CSMD1: variants seen among roughly 807,000 people sequenced by gnomAD.
The protein encoded by CSMD1 is CUB and sushi domain-containing protein 1.
Under a neutral mutation model 417.5 loss-of-function variants are expected in CSMD1, and 213 were observed. That is an observed-to-expected ratio of 0.51 (90% CI 0.46 to 0.57). The LOEUF (loss-of-function observed/expected upper bound fraction) is 0.57. CSMD1 is among the 20% of genes least tolerant of loss of function. The probability of loss-of-function intolerance (pLI) is 0.00; values close to 1 mark genes in which losing one functional copy is unlikely to be tolerated. For missense variants in CSMD1, 6,923 were observed against 4,529.7 expected (o/e 1.53, Z -15.17); for synonymous variants, 2,862 against 1,736.8 (o/e 1.65, Z -16.11).
chr8:4,308,423 A>T (rs1370002404), intron 3 of CSMD1, among the ~76,000 whole-genome samples: 1 of 115,682 alleles, frequency 8.6e-6, no homozygotes, highest in Non-Finnish European at 1.7e-5. Flanking sequence ...GTTATGTGGA[A>T]AGTCTGATGA....
intron 7 of CSMD1, among the ~76,000 whole-genome samples, chr8:3,688,210 T>A (rs1234497783): frequency 6.6e-6 from 1 of 152,236 alleles, no homozygotes; most frequent in African/African-American, 2.4e-5. Context: ...ACTTGTTGCA[T>A]GCGTAAGTGG....
At position 3,964,792 on chromosome 8, in the gene CSMD1, G is replaced by T. The variant is rs528606691; in HGVS notation, c.818+33111C>A. On this transcript the variant is annotated intron_variant, in intron 5 of 69. Coordinates refer to ENST00000635120, the MANE Select transcript of CSMD1 (RefSeq NM_033225.6). ...GGACTAATGTATCCAACAATTATTT[G>T]CTGACAATCTGTTAAGCTCACAAAT... Among the ~76,000 whole-genome samples, 8 of 152,256 alleles carry T rather than the reference G, an allele frequency of 5.3e-5. No homozygotes were observed. The East Asian group carries it at 1.5e-3, about 29-fold the overall frequency.
intron 3 of CSMD1, among the ~76,000 whole-genome samples, chr8:4,122,077 A>G (rs920679268): frequency 6.6e-6 from 1 of 152,086 alleles, no homozygotes; most frequent in African/African-American, 2.4e-5. Context: ...TATAAAATAT[A>G]TATCAATATC....
chr8:4,134,238 G>C (rs185669597), intron 3 of CSMD1, among the ~76,000 whole-genome samples: 1 of 152,150 alleles, frequency 6.6e-6, no homozygotes, highest in South Asian at 2.1e-4. Context: ...CCCAGAGTTC[G>C]TATGCTGATA....
At chr8:3,663,464 A>C (rs1798523411) in intron 7 of CSMD1, among the ~76,000 whole-genome samples, 1 of 152,176 alleles carries the variant, frequency 6.6e-6, no homozygotes, top group Non-Finnish European at 1.5e-5. Flanking sequence ...TTTGATAGCC[A>C]TAGGGACTGT....
At position 4,746,969 on chromosome 8, in the gene CSMD1, A is replaced by G. The variant is rs184373543; in HGVS notation, c.86-109411T>C. 2.4e-3 allele frequency among the ~76,000 whole-genome samples: 369 copies of G among 152,274 alleles called. 5 individuals carry two copies. The highest frequency in any genetic ancestry group is 8.5e-3 in the African/African-American group (355 of 41,568). Reference sequence around the variant, plus strand: ...TGCCATCCCAAATTAGAGAGAGGGAAGAACAGGAATAATTTCTCAAGCAGG... The same window carrying G: ...TGCCATCCCAAATTAGAGAGAGGGAGGAACAGGAATAATTTCTCAAGCAGG... On this transcript the variant is annotated intron_variant, in intron 1 of 69. Transcript: ENST00000635120.
rs542330902 is a variant in CSMD1, at chr8:2,938,672, G to A, written c.10608C>T (p.Asn3536=). 88 of 1,611,816 alleles carry A rather than the reference G, an allele frequency of 5.5e-5. No homozygotes were observed. The highest frequency in any genetic ancestry group is 1.4e-4 in the South Asian group (13 of 90,456). ...ENSNGQASFE[N]PMYDTNLKPT... Reference sequence around the variant, plus strand: ...GTTTTAAGTTTGTATCATACATGGGGTTTTCAAACGATGCTTGTCCATTGC... The same window carrying A: ...GTTTTAAGTTTGTATCATACATGGGATTTTCAAACGATGCTTGTCCATTGC... The change falls in exon 70 of 70, where the codon AAC becomes AAT. Residue 3536 remains asparagine (N), a synonymous_variant. Transcript: ENST00000635120.
intron 21 of CSMD1, among the ~76,000 whole-genome samples, chr8:3,353,569 C>T (rs1331601804): frequency 1.3e-5 from 2 of 152,108 alleles, no homozygotes; most frequent in Non-Finnish European, 1.5e-5. Context: ...TCCCGTAGGA[C>T]GTAATTTAAT....
chr8:4,125,472 C>G (rs1166643515), intron 3 of CSMD1, among the ~76,000 whole-genome samples: 2 of 152,174 alleles, frequency 1.3e-5, no homozygotes, highest in Admixed American at 6.5e-5. Context: ...TGAATAAAAC[C>G]AAGCTGCGCC....
At chr8:4,771,376 G>A (rs902590411) in intron 1 of CSMD1, among the ~76,000 whole-genome samples, 1 of 152,196 alleles carries the variant, frequency 6.6e-6, no homozygotes, top group Non-Finnish European at 1.5e-5. Context: ...CCTCTTCAGG[G>A]AAATTGCATT....
intron 3 of CSMD1, among the ~76,000 whole-genome samples, chr8:4,399,417 T>A (rs184854032): frequency 1.3e-4 from 20 of 152,330 alleles, no homozygotes; most frequent in Non-Finnish European, 2.8e-4. Flanking sequence ...GAGGTTAACG[T>A]CATATGTGAG....
intron 3 of CSMD1, among the ~76,000 whole-genome samples, chr8:4,335,577 A>G (rs1210834949): frequency 2.0e-5 from 3 of 152,156 alleles, no homozygotes; most frequent in Non-Finnish European, 2.9e-5. Context: ...TATCAGTCTT[A>G]GCTAACTTTT....
intron 3 of CSMD1, among the ~76,000 whole-genome samples, chr8:4,316,827 C>A (rs371515237): frequency 6.6e-6 from 1 of 151,988 alleles, no homozygotes; most frequent in Non-Finnish European, 1.5e-5. Context: ...ACTCGGTAAA[C>A]GCAAAATAAT....
intron 2 of CSMD1, among the ~76,000 whole-genome samples, chr8:4,561,086 C>T (rs1798310547): frequency 6.6e-6 from 1 of 152,114 alleles, no homozygotes; most frequent in African/African-American, 2.4e-5. Flanking sequence ...TAAATGAAAA[C>T]ATCGACCAGG....
intron 5 of CSMD1, among the ~76,000 whole-genome samples, chr8:3,948,395 G>C (rs1052884413): frequency 2.0e-5 from 3 of 152,136 alleles, no homozygotes; most frequent in East Asian, 3.8e-4. Context: ...ATACAGGAGA[G>C]GGAGGGAGAA....
chr8:3,040,726 C>T (rs1811030754), intron 50 of CSMD1, among the ~76,000 whole-genome samples: 1 of 151,980 alleles, frequency 6.6e-6, no homozygotes, highest in Non-Finnish European at 1.5e-5. Context: ...TCGCTTGAAC[C>T]CGAGAGACAG....
intron 3 of CSMD1, among the ~76,000 whole-genome samples, chr8:4,390,281 C>T (rs540161829): frequency 7.0e-4 from 106 of 151,942 alleles, no homozygotes; most frequent in African/African-American, 2.4e-4. Context: ...AAAACTGTCA[C>T]GAGGAGCAAT....
chr8:3,272,005 C>G (rs1212201977), intron 26 of CSMD1, among the ~76,000 whole-genome samples: 1 of 151,868 alleles, frequency 6.6e-6, no homozygotes, highest in Non-Finnish European at 1.5e-5. Context: ...AGTCCTTGCC[C>G]ATGCCTATGT....
intron 17 of CSMD1, among the ~76,000 whole-genome samples, chr8:3,393,405 C>A (rs183656504): frequency 6.6e-6 from 1 of 152,188 alleles, no homozygotes. Flanking sequence ...ATGACTCTCA[C>A]ACAATTATCA....
Sources: allele counts gnomAD v4.1 joint callset (sites outside exome capture counted in the v4.1 genomes callset), GRCh38; gene constraint gnomAD v4.1.1; transcripts MANE v1.5; gene names NCBI Gene and HGNC (gene_info 2026-07-23, HGNC 2026-07-21).